CLASP2: variants seen among roughly 807,000 people sequenced by gnomAD.
CLASP2 encodes the protein cytoplasmic linker associated protein 2.
A neutral mutation model predicts 194.4 loss-of-function variants in CLASP2; 47 were observed. That is an observed-to-expected ratio of 0.24 (90% CI 0.19 to 0.31). CLASP2 has a LOEUF of 0.31. CLASP2 is among the 10% of genes least tolerant of loss of function. CLASP2 has a pLI of 1.00. For synonymous variants in CLASP2, 619 were observed against 633.5 expected, an observed-to-expected ratio of 0.98 and a Z score of 0.34; for missense variants, 1,445 against 1,823.6, an observed-to-expected ratio of 0.79 and a Z score of 3.78.
At chr3:33,604,936 AC>A (rs1367646021) in intron 16 of CLASP2, among the ~76,000 whole-genome samples, 1 of 152,184 alleles carries the variant, frequency 6.6e-6, no homozygotes, top group Non-Finnish European at 1.5e-5. Context: ...AGCCTCTCTC[AC>A]CTAAGTTGTA....
At chr3:33,674,376 A>C (rs990645970) in intron 6 of CLASP2, among the ~76,000 whole-genome samples, 2 of 151,968 alleles carry the variant, frequency 1.3e-5, no homozygotes, top group Non-Finnish European at 2.9e-5. Flanking sequence ...GCAGAAATGA[A>C]GATGTTCTTT....
At chr3:33,638,843 T>C (rs747779237) in intron 8 of CLASP2, among the ~76,000 whole-genome samples, 4 of 152,200 alleles carry the variant, frequency 2.6e-5, no homozygotes, top group Non-Finnish European at 4.4e-5. Flanking sequence ...ATATGTGAGA[T>C]CTATAATAAT....
intron 30 of CLASP2, among the ~76,000 whole-genome samples, chr3:33,547,448 A>G (rs1240715412): frequency 2.0e-5 from 3 of 152,218 alleles, no homozygotes; most frequent in Admixed American, 6.5e-5. Flanking sequence ...CCCAGTCTCA[A>G]GTATGTCTTT....
At chr3:33,652,738 T>C (rs1160625727) in intron 7 of CLASP2, among the ~76,000 whole-genome samples, 1 of 152,148 alleles carries the variant, frequency 6.6e-6, no homozygotes, top group Non-Finnish European at 1.5e-5. Context: ...GCCACTCTAA[T>C]TTCATATAGA....
chr3:33,603,264 A>G, intron 17 of CLASP2, 139 bp from the exon 18 acceptor site: 1 of 818,602 alleles, frequency 1.2e-6, no homozygotes, highest in Non-Finnish European at 1.8e-6. Context: ...AGTACTATTA[A>G]GCATTTTAAA....
intron 29 of CLASP2, among the ~76,000 whole-genome samples, chr3:33,557,056 C>G (rs535381589): frequency 1.3e-5 from 2 of 151,894 alleles, no homozygotes; most frequent in East Asian, 3.9e-4. Flanking sequence ...TCACTGCAAC[C>G]TCCGCCTCTC....
At chr3:33,663,391 C>T in intron 7 of CLASP2, 54 bp downstream of exon 7, 2 of 1,374,098 alleles carry the variant, frequency 1.5e-6, no homozygotes, top group South Asian at 1.3e-5. Context: ...CATTTTAGTG[C>T]CTAAAACTTT....
Position 33,587,011 on chromosome 3 carries a change from T to C in CLASP2, c.2069-2091A>G, listed in dbSNP as rs193202790. 2.6e-5 allele frequency among the ~76,000 whole-genome samples: 4 copies of C among 152,322 alleles called. No individual in the cohort carries two copies. The East Asian group carries it at 7.7e-4, about 29-fold the overall frequency. On this transcript the variant is annotated intron_variant, in intron 21 of 38. Coordinates refer to ENST00000682230, the MANE Select transcript of CLASP2 (RefSeq NM_001365631.1). ...AATAGTGGATAGGTCTTGGGATTTT[T>C]CAAAAATGAAAGCTTTGATATTTCC...
chr3:33,536,533 G>A (rs1387079902), intron 33 of CLASP2, among the ~76,000 whole-genome samples: 16 of 152,168 alleles, frequency 1.1e-4, no homozygotes, highest in Admixed American at 9.8e-4. Context: ...AGTGTGGCAG[G>A]AGCAGAGTGA....
At chr3:33,538,560 A>C (rs992779983) in intron 33 of CLASP2, among the ~76,000 whole-genome samples, 1 of 152,172 alleles carries the variant, frequency 6.6e-6, no homozygotes, top group African/African-American at 2.4e-5. Flanking sequence ...AAACTCTATA[A>C]TACTCATCTC....
At position 33,639,697 on chromosome 3, in the gene CLASP2, G is replaced by A. The variant is rs111543212; in HGVS notation, c.862+5060C>T. Among the ~76,000 whole-genome samples the A allele has an allele frequency of 6.5e-3, 983 of 152,198 alleles. 7 individuals carry two copies. The highest frequency in any genetic ancestry group is 0.011 in the Non-Finnish European group (770 of 68,016). ...AAATCATACGTACTGTATAATCAAC[G>A]TTAGGAGAGAAAGCATCAGGGATGG... On this transcript the variant is annotated intron_variant, in intron 8 of 38. Transcript: ENST00000682230.
At chr3:33,615,088 C>T (rs967789707) in intron 12 of CLASP2, among the ~76,000 whole-genome samples, 1 of 151,606 alleles carries the variant, frequency 6.6e-6, no homozygotes, top group Non-Finnish European at 1.5e-5. Flanking sequence ...CCAAATTATA[C>T]AAAGATAAAA....
At chr3:33,508,665 T>G (rs2048959376) in intron 37 of CLASP2, among the ~76,000 whole-genome samples, 1 of 152,184 alleles carries the variant, frequency 6.6e-6, no homozygotes, top group Admixed American at 6.5e-5. Flanking sequence ...TCTTCTGAAT[T>G]TACTAGCTGG....
At chr3:33,513,599 A>G (rs1156758225) in intron 36 of CLASP2, among the ~76,000 whole-genome samples, 1 of 152,218 alleles carries the variant, frequency 6.6e-6, no homozygotes, top group Non-Finnish European at 1.5e-5. Flanking sequence ...ACTCTTCTAA[A>G]AGAGTCACAG....
At chr3:33,671,878 C>T (rs1298635774) in intron 6 of CLASP2, among the ~76,000 whole-genome samples, 1 of 152,126 alleles carries the variant, frequency 6.6e-6, no homozygotes, top group Non-Finnish European at 1.5e-5. Flanking sequence ...AAGGCGGCAG[C>T]GAGGCTGGGA....
chr3:33,508,857 G>A (rs2154084747), intron 37 of CLASP2, among the ~76,000 whole-genome samples: 1 of 152,274 alleles, frequency 6.6e-6, no homozygotes, highest in East Asian at 1.9e-4. Context: ...AAAATTTGAT[G>A]TATTTTAATT....
chr3:33,586,350 GT>G (rs1259892533), intron 21 of CLASP2, among the ~76,000 whole-genome samples: 16 of 152,036 alleles, frequency 1.1e-4, no homozygotes, highest in African/African-American at 3.9e-4. Flanking sequence ...GGCTAGGCTG[GT>G]CTCGAACTCC....
chr3:33,509,777 C>T (rs577095165), intron 37 of CLASP2, among the ~76,000 whole-genome samples: 1 of 152,172 alleles, frequency 6.6e-6, no homozygotes, highest in East Asian at 1.9e-4. Context: ...TGTTATAAAA[C>T]ACATCTCATT....
At chr3:33,632,438 T>A (rs1577488813) in intron 8 of CLASP2, 67 bp from the exon 9 acceptor site, 1 of 1,110,652 alleles carries the variant, frequency 9.0e-7, no homozygotes, top group Non-Finnish European at 1.3e-6. Flanking sequence ...AATGACAACA[T>A]GAAAAATAAA....
Sources: allele counts gnomAD v4.1 joint callset (sites outside exome capture counted in the v4.1 genomes callset), GRCh38; gene constraint gnomAD v4.1.1; transcripts MANE v1.5; gene names NCBI Gene and HGNC (gene_info 2026-07-23, HGNC 2026-07-21).